Variants in C12orf42 observed in about 807,000 individuals in gnomAD.
C12orf42 encodes chromosome 12 open reading frame 42.
In C12orf42, 25 loss-of-function variants were observed where a neutral mutation model predicts 21.6. The observed-to-expected ratio is 1.16, with a 90% confidence interval of 0.84 to 1.62. C12orf42 has a LOEUF of 1.62. C12orf42 is among the 40% of genes most tolerant of loss of function. The pLI is 0.00. For missense variants in C12orf42, 483 were observed against 459.3 expected, an observed-to-expected ratio of 1.05 and a Z score of -0.47; for synonymous variants, 174 against 175.0, an observed-to-expected ratio of 0.99 and a Z score of 0.05.
intron 4 of C12orf42, among the ~76,000 whole-genome samples, chr12:103,321,412 T>C: frequency 6.9e-6 from 1 of 145,014 alleles, no homozygotes; most frequent in Non-Finnish European, 1.5e-5. Context: ...TTTACACTGT[T>C]GGTGGGACTG....
At chr12:103,143,995 A>G in the C12orf42 span, among the ~76,000 whole-genome samples, 3 of 148,016 alleles carry the variant, frequency 2.0e-5, no homozygotes, top group South Asian at 6.2e-4. Context: ...ATCAAATAAC[A>G]TAACATAGCA....
chr12:103,285,656 T>TA (rs1285189422), intron 4 of C12orf42, among the ~76,000 whole-genome samples: 1 of 152,208 alleles, frequency 6.6e-6, no homozygotes, highest in Non-Finnish European at 1.5e-5. Context: ...GGGAAGGTAA[T>TA]ATGATAAATT....
chr12:103,293,199 CTT>C (rs2036934549), intron 4 of C12orf42, among the ~76,000 whole-genome samples: 2 of 152,074 alleles, frequency 1.3e-5, no homozygotes, highest in South Asian at 4.1e-4. Context: ...CTGGTCTCCT[CTT>C]TCTCTCCTCC....
chr12:103,418,765 T>C (rs771281089), intron 2 of C12orf42, among the ~76,000 whole-genome samples: 3 of 150,972 alleles, frequency 2.0e-5, no homozygotes, highest in Admixed American at 6.6e-5. Context: ...AATCAACAGA[T>C]AGGCAGAAAA....
chr12:103,247,857 G>T (rs2034088145), intron 10 of C12orf42, among the ~76,000 whole-genome samples: 1 of 152,018 alleles, frequency 6.6e-6, no homozygotes, highest in Non-Finnish European at 1.5e-5. Flanking sequence ...GTAGCTAATA[G>T]CTATTAAATG....
chr12:103,224,929 G>T, the C12orf42 span, among the ~76,000 whole-genome samples: 28 of 152,254 alleles, frequency 1.8e-4, no homozygotes, highest in African/African-American at 6.3e-4. Context: ...GAGATTAATC[G>T]GACACGATCA....
intron 3 of C12orf42, 62 bp downstream of exon 3, chr12:103,401,545 C>A: frequency 7.2e-7 from 1 of 1,383,982 alleles, no homozygotes; most frequent in Non-Finnish European, 1.0e-6. Context: ...ACATGTAAAG[C>A]AACTGAACCC....
chr12:103,393,151 G>A (rs1054625601), intron 3 of C12orf42, among the ~76,000 whole-genome samples: 8 of 152,146 alleles, frequency 5.3e-5, no homozygotes, highest in African/African-American at 1.4e-4. Context: ...ACCTGAGACC[G>A]GGTAATTTAT....
the C12orf42 span, among the ~76,000 whole-genome samples, chr12:103,078,921 C>T: frequency 1.1e-4 from 17 of 152,264 alleles, no homozygotes; most frequent in Non-Finnish European, 2.2e-4. Context: ...TAAACCACAC[C>T]GGTGCACTTC....
At chr12:103,147,091 G>A in the C12orf42 span, among the ~76,000 whole-genome samples, 7 of 152,098 alleles carry the variant, frequency 4.6e-5, no homozygotes, top group African/African-American at 1.7e-4. Context: ...GTATACAAAA[G>A]ATACATTCAC....
chr12:103,462,346 G>C (rs1433845566), intron 2 of C12orf42, among the ~76,000 whole-genome samples: 1 of 151,704 alleles, frequency 6.6e-6, no homozygotes, highest in Non-Finnish European at 1.5e-5. Context: ...CCTGACCTCA[G>C]GTGATCCACC....
At chr12:103,554,625 G>C in the C12orf42 span, among the ~76,000 whole-genome samples, 1 of 151,844 alleles carries the variant, frequency 6.6e-6, no homozygotes, top group East Asian at 1.9e-4. Context: ...GGGCTGTACA[G>C]GCTTCTGCTT....
intron 2 of C12orf42, among the ~76,000 whole-genome samples, chr12:103,418,508 ACTGT>A (rs1416707159): frequency 1.9e-4 from 29 of 152,226 alleles, no homozygotes; most frequent in Middle Eastern, 6.8e-3. Flanking sequence ...CTTTTTTTTA[ACTGT>A]CTGCATATAG....
chr12:103,299,873 C>T (rs1409115034), downstream of C12orf42, among the ~76,000 whole-genome samples: 1 of 152,214 alleles, frequency 6.6e-6, no homozygotes, highest in Non-Finnish European at 1.5e-5. Flanking sequence ...GTTGAAAATG[C>T]TTCTCATCCA....
chr12:103,546,626 A>C, the C12orf42 span, among the ~76,000 whole-genome samples: 48 of 152,358 alleles, frequency 3.2e-4, 2 homozygotes, highest in African/African-American at 1.1e-3. Flanking sequence ...TTGTAGAAAA[A>C]AAATGAAAGA....
chr12:103,551,485 C>G, the C12orf42 span, among the ~76,000 whole-genome samples: 615 of 152,160 alleles, frequency 4.0e-3, 3 homozygotes, highest in Middle Eastern at 0.024. Flanking sequence ...CCACAGCACT[C>G]CAGACTGAGT....
chr12:103,369,001 G>GT lies in C12orf42; in HGVS notation c.148-4dup. 1 of 1,531,906 alleles carries GT rather than the reference G, an allele frequency of 6.5e-7. No individual in the cohort carries two copies. The highest frequency in any genetic ancestry group is 1.2e-5 in the South Asian group (1 of 84,594). The allele number at this position is 1,531,906 out of a possible 1,614,324, so 94.9% of individuals were successfully genotyped here. A position where few individuals can be genotyped will look rare whatever the true frequency, so the allele number is the denominator to read the frequency against. ...GTTCTTTCATAACAAGGGATGTGCT[G>GT]TAAGATAGAGGAGAAAAATACACAC... On this transcript the variant is annotated splice_region_variant and splice_polypyrimidine_tract_variant and intron_variant, in intron 3 of 5. Coordinates refer to ENST00000548883, the MANE Select transcript of C12orf42 (RefSeq NM_198521.5).
chr12:103,150,923 A>T, the C12orf42 span, among the ~76,000 whole-genome samples: 1 of 152,162 alleles, frequency 6.6e-6, no homozygotes, highest in African/African-American at 2.4e-5. Context: ...CTCAGCATCA[A>T]TTAAAACATC....
At chr12:103,368,685 G>T (rs905271134) in intron 4 of C12orf42, among the ~76,000 whole-genome samples, 13 of 152,016 alleles carry the variant, frequency 8.6e-5, no homozygotes, top group African/African-American at 2.9e-4. Context: ...TGATATTATT[G>T]GTGAACACTG....
Sources: allele counts gnomAD v4.1 joint callset (sites outside exome capture counted in the v4.1 genomes callset), GRCh38; gene constraint gnomAD v4.1.1; transcripts MANE v1.5; gene names NCBI Gene and HGNC (gene_info 2026-07-23, HGNC 2026-07-21).